The following FBXL20 variants were observed in gnomAD, a reference collection of about 807,000 sequenced individuals.
The protein encoded by FBXL20 is F-box/LRR-repeat protein 20.
Under a neutral mutation model 64.0 loss-of-function variants are expected in FBXL20, and 11 were observed. The ratio of observed to expected loss-of-function variants is 0.17; its 90% CI spans 0.11 to 0.28. FBXL20 has a LOEUF of 0.28. FBXL20 is among the 10% of genes least tolerant of loss of function. The probability of loss-of-function intolerance (pLI) is 1.00; values close to 1 mark genes in which losing one functional copy is unlikely to be tolerated. For synonymous variants in FBXL20, 184 were observed against 189.0 expected (o/e 0.97, Z 0.22); for missense variants, 303 against 526.2 (o/e 0.58, Z 4.15).
chr17:39,401,853 C>A, upstream of FBXL20: 1 of 414,204 alleles, frequency 2.4e-6, no homozygotes, highest in Non-Finnish European at 3.6e-6. Context: ...CCTGCGCCTC[C>A]GAGGCAGACG....
chr17:39,297,349 G>A (rs973622145), intron 5 of FBXL20, 154 bp from the exon 6 acceptor site: 2 of 447,344 alleles, frequency 4.5e-6, no homozygotes, highest in Non-Finnish European at 8.0e-6. Flanking sequence ...CTTCATCTTC[G>A]GTTCTTGGCA....
At chr17:39,313,837 G>C (rs1185886715) in intron 2 of FBXL20, among the ~76,000 whole-genome samples, 1 of 152,024 alleles carries the variant, frequency 6.6e-6, no homozygotes, top group East Asian at 1.9e-4. Flanking sequence ...GTTTCTCCAT[G>C]TTGGTCAGGC....
chr17:39,313,586 G>A (rs972619188), intron 2 of FBXL20, among the ~76,000 whole-genome samples: 22 of 151,964 alleles, frequency 1.4e-4, no homozygotes, highest in African/African-American at 5.3e-4. Context: ...TAGGCTGCCA[G>A]GGTTTTAGCT....
intron 2 of FBXL20, among the ~76,000 whole-genome samples, chr17:39,342,968 A>C (rs911397129): frequency 1.3e-5 from 2 of 152,226 alleles, no homozygotes; most frequent in African/African-American, 4.8e-5. Context: ...TATCATAAGT[A>C]CAAGTTGGAA....
intron 10 of FBXL20, among the ~76,000 whole-genome samples, chr17:39,271,581 G>A (rs1394457853): frequency 1.8e-5 from 2 of 110,102 alleles, no homozygotes; most frequent in Non-Finnish European, 3.3e-5. Context: ...CTGGGTGACA[G>A]AGCAAGGCTC....
chr17:39,322,262 A>G (rs1417644272), intron 2 of FBXL20, among the ~76,000 whole-genome samples: 1 of 152,032 alleles, frequency 6.6e-6, no homozygotes, highest in Non-Finnish European at 1.5e-5. Context: ...TTATTTTTAA[A>G]ATACTTTGAG....
chr17:39,301,222 G>T (rs2047131674), intron 3 of FBXL20, 147 bp from the exon 4 acceptor site: 2 of 651,242 alleles, frequency 3.1e-6, no homozygotes, highest in Non-Finnish European at 5.4e-6. Flanking sequence ...CAAATGATGT[G>T]TCTTACTCCT....
intron 2 of FBXL20, among the ~76,000 whole-genome samples, chr17:39,311,577 A>C (rs1260502871): frequency 6.6e-6 from 1 of 152,156 alleles, no homozygotes; most frequent in Non-Finnish European, 1.5e-5. Flanking sequence ...AATATTGATT[A>C]TCCAACTCCA....
rs2046713860 is a variant in FBXL20 at position 39,258,425 on chromosome 17, C to G, written c.*3035G>C. The G allele has an allele frequency of 6.6e-6, 1 of 152,222 alleles. No homozygotes were observed. The highest frequency in any genetic ancestry group is 6.5e-5 in the Admixed American group (1 of 15,286). 9.4% of individuals were successfully genotyped at this position (152,222 alleles called of 1,614,324 possible). A position where few individuals can be genotyped will look rare whatever the true frequency, so the allele number is the denominator to read the frequency against. ...GCCTGAAGTTTTCTTGAGAAAGGAACAAGGCTTCTGCCTGACAACATACAA... is the reference window on the plus strand; with the variant it reads ...GCCTGAAGTTTTCTTGAGAAAGGAAGAAGGCTTCTGCCTGACAACATACAA... On this transcript the variant is annotated 3_prime_UTR_variant, in exon 15 of 15. Coordinates refer to ENST00000264658, the MANE Select transcript of FBXL20 (RefSeq NM_032875.3).
chr17:39,267,728 T>C (rs2046804754), intron 12 of FBXL20, among the ~76,000 whole-genome samples: 1 of 152,166 alleles, frequency 6.6e-6, no homozygotes, highest in African/African-American at 2.4e-5. Context: ...TTTATTATTT[T>C]CTACTACACA....
intron 1 of FBXL20, among the ~76,000 whole-genome samples, chr17:39,351,710 C>A (rs1052638204): frequency 8.5e-5 from 13 of 152,154 alleles, no homozygotes; most frequent in African/African-American, 2.9e-4. Flanking sequence ...TTTCTGTCAT[C>A]TATAAACAAT....
chr17:39,401,635 A>C, upstream of FBXL20: 1 of 1,377,154 alleles, frequency 7.3e-7, no homozygotes, highest in Non-Finnish European at 9.3e-7. Context: ...CCTCAGCCTC[A>C]ACTTCAACCC....
intron 1 of FBXL20, among the ~76,000 whole-genome samples, chr17:39,400,205 G>T (rs751363215): frequency 6.6e-6 from 1 of 152,156 alleles, no homozygotes; most frequent in Non-Finnish European, 1.5e-5. Context: ...CTGAAGCTCT[G>T]AACTTAAACT....
At chr17:39,269,499 C>CTTT (rs1024012415) in intron 11 of FBXL20, among the ~76,000 whole-genome samples, 5 of 116,726 alleles carry the variant, frequency 4.3e-5, no homozygotes, top group African/African-American at 1.3e-4. Context: ...GGCCTTTCCT[C>CTTT]TTTTTTTTTT....
At chr17:39,330,261 C>T (rs540950881) in intron 2 of FBXL20, among the ~76,000 whole-genome samples, 49 of 149,664 alleles carry the variant, frequency 3.3e-4, no homozygotes, top group Admixed American at 1.2e-3. Flanking sequence ...TGTGCCATTG[C>T]GCTCCAGCCT....
At chr17:39,352,203 T>C (rs972466376) in intron 1 of FBXL20, among the ~76,000 whole-genome samples, 1 of 150,924 alleles carries the variant, frequency 6.6e-6, no homozygotes, top group African/African-American at 2.4e-5. Context: ...AAACCAGAGG[T>C]TGGGTGGAAA....
chr17:39,317,165 G>A (rs938616925), intron 2 of FBXL20, among the ~76,000 whole-genome samples: 1 of 152,136 alleles, frequency 6.6e-6, no homozygotes, highest in Non-Finnish European at 1.5e-5. Flanking sequence ...AATTGATTCT[G>A]AAGTTGATAT....
At chr17:39,323,122 A>G (rs528083991) in intron 2 of FBXL20, among the ~76,000 whole-genome samples, 14 of 152,126 alleles carry the variant, frequency 9.2e-5, no homozygotes, top group Admixed American at 4.6e-4. Flanking sequence ...TGCGCCTGCC[A>G]CTGTGCCCAG....
chr17:39,296,580 A>G (rs920696345), intron 6 of FBXL20, among the ~76,000 whole-genome samples: 4 of 151,534 alleles, frequency 2.6e-5, no homozygotes, highest in East Asian at 1.9e-4. Context: ...AAAAAAAAAA[A>G]AAAGAAATAC....
Sources: allele counts gnomAD v4.1 joint callset (sites outside exome capture counted in the v4.1 genomes callset), GRCh38; gene constraint gnomAD v4.1.1; transcripts MANE v1.5; gene names NCBI Gene and HGNC (gene_info 2026-07-23, HGNC 2026-07-21).